The following RIMS2 variants were observed in gnomAD, a reference collection of about 807,000 sequenced individuals.
RIMS2 encodes regulating synaptic membrane exocytosis protein 2.
In RIMS2, 59 loss-of-function variants were observed where a neutral mutation model predicts 174.4. The ratio of observed to expected loss-of-function variants is 0.34; its 90% CI spans 0.27 to 0.42. The LOEUF (loss-of-function observed/expected upper bound fraction) is 0.42, where lower values mean the gene tolerates loss of function less well. RIMS2 is among the 10% of genes least tolerant of loss of function. RIMS2 has a pLI of 1.00. For missense variants in RIMS2, 1,620 were observed against 1,666.3 expected (o/e 0.97, Z 0.48); for synonymous variants, 606 against 572.5 (o/e 1.06, Z -0.84).
At chr8:103,583,033 G>A (rs2093701428) in intron 1 of RIMS2, among the ~76,000 whole-genome samples, 1 of 152,208 alleles carries the variant, frequency 6.6e-6, no homozygotes, top group East Asian at 1.9e-4. Flanking sequence ...TCATAGTGGT[G>A]GTGGCCACAG....
chr8:103,750,569 G>C (rs2097875395), intron 2 of RIMS2, among the ~76,000 whole-genome samples: 1 of 152,096 alleles, frequency 6.6e-6, no homozygotes, highest in Non-Finnish European at 1.5e-5. Flanking sequence ...ATCTCACCTT[G>C]AATTTTAATA....
chr8:103,784,002 A>G (rs1399738622), intron 3 of RIMS2, among the ~76,000 whole-genome samples: 1 of 151,522 alleles, frequency 6.6e-6, no homozygotes, highest in Non-Finnish European at 1.5e-5. Context: ...TTTGATTTGC[A>G]TTTCTCTGAT....
intron 19 of RIMS2, among the ~76,000 whole-genome samples, chr8:104,190,288 G>A (rs1485420843): frequency 1.3e-5 from 2 of 151,600 alleles, no homozygotes; most frequent in Admixed American, 6.6e-5. Context: ...TGACAGAGTG[G>A]GACCCTGTAT....
chr8:103,855,827 T>C (rs1461573327), intron 3 of RIMS2, among the ~76,000 whole-genome samples: 1 of 152,126 alleles, frequency 6.6e-6, no homozygotes, highest in Non-Finnish European at 1.5e-5. Flanking sequence ...CAGCGTATAT[T>C]TTGTGGTTGT....
chr8:103,817,648 C>A (rs2098726293), intron 3 of RIMS2, among the ~76,000 whole-genome samples: 1 of 152,060 alleles, frequency 6.6e-6, no homozygotes, highest in Admixed American at 6.6e-5. Context: ...GGCGTGGTGG[C>A]ACACTCCTGT....
chr8:103,793,471 A>G (rs1395094252), intron 3 of RIMS2, among the ~76,000 whole-genome samples: 1 of 152,226 alleles, frequency 6.6e-6, no homozygotes, highest in Non-Finnish European at 1.5e-5. Flanking sequence ...CAGAGCCAAT[A>G]TCATACTGAA....
rs76373481 is a variant in RIMS2, at chr8:103,539,746, A to C, written c.176+38684A>C. Among the ~76,000 whole-genome samples the C allele has an allele frequency of 6.4e-3, 975 of 152,284 alleles. 11 individuals carry two copies. Among genetic ancestry groups the C allele is most frequent in the African/African-American group, 0.022 (906 of 41,558 alleles). ...ACTGTTAAGTTGCTTCAGAAAAGGA[A>C]ATGTCCTCTCTTCCAACCCTGCCTG... On this transcript the variant is annotated intron_variant, in intron 1 of 23. Transcript: ENST00000504942.
intron 1 of RIMS2, among the ~76,000 whole-genome samples, chr8:103,643,020 T>C (rs2096260594): frequency 6.6e-6 from 1 of 152,052 alleles, no homozygotes; most frequent in Non-Finnish European, 1.5e-5. Flanking sequence ...TTCTTCTCCA[T>C]CTGCTATTCC....
intron 2 of RIMS2, among the ~76,000 whole-genome samples, chr8:103,708,775 T>C (rs775633975): frequency 1.3e-5 from 2 of 152,180 alleles, no homozygotes; most frequent in Non-Finnish European, 2.9e-5. Context: ...ATTAAATTGT[T>C]TTTTTGGTGT....
chr8:103,830,032 T>C (rs1291333025), intron 3 of RIMS2, among the ~76,000 whole-genome samples: 1 of 152,194 alleles, frequency 6.6e-6, no homozygotes, highest in Non-Finnish European at 1.5e-5. Context: ...TAATTTGTTG[T>C]TATAAATTTC....
At chr8:103,762,020 AT>A (rs201961741) in intron 2 of RIMS2, among the ~76,000 whole-genome samples, 7,282 of 139,598 alleles carry the variant, frequency 0.052, 431 homozygotes, top group African/African-American at 0.16. Context: ...CCTAATGTAA[AT>A]TTTTTTTTTT....
At chr8:104,231,523 C>T (rs1211753339) in intron 19 of RIMS2, among the ~76,000 whole-genome samples, 2 of 152,144 alleles carry the variant, frequency 1.3e-5, no homozygotes, top group Non-Finnish European at 1.5e-5. Context: ...GGCTCATATT[C>T]CATCTACTGT....
intron 3 of RIMS2, among the ~76,000 whole-genome samples, chr8:103,779,064 C>G (rs1283952686): frequency 6.6e-6 from 1 of 152,128 alleles, no homozygotes; most frequent in South Asian, 2.1e-4. Flanking sequence ...AATGTCTGTT[C>G]AGATCTTTTG....
At chr8:103,706,439 T>A (rs186423744) in intron 2 of RIMS2, among the ~76,000 whole-genome samples, 199 of 151,896 alleles carry the variant, frequency 1.3e-3, no homozygotes, top group African/African-American at 2.5e-3. Context: ...TTCTTTTTTT[T>A]AAAAAAAAAT....
At chr8:103,949,896 A>T (rs2084903583) in intron 14 of RIMS2, among the ~76,000 whole-genome samples, 2 of 152,156 alleles carry the variant, frequency 1.3e-5, no homozygotes, top group South Asian at 4.1e-4. Context: ...AGGCAAAATG[A>T]TCAGCAAAGA....
chr8:103,907,669 A>G (rs2074738654), intron 4 of RIMS2, among the ~76,000 whole-genome samples: 2 of 151,732 alleles, frequency 1.3e-5, no homozygotes, highest in African/African-American at 4.8e-5. Context: ...ACTCCTGTCT[A>G]TATGTTAATT....
intron 1 of RIMS2, among the ~76,000 whole-genome samples, chr8:103,544,055 G>T (rs1843752808): frequency 6.8e-6 from 1 of 147,832 alleles, no homozygotes; most frequent in Non-Finnish European, 1.5e-5. Context: ...GATATTTGCA[G>T]ACCATACATC....
chr8:103,584,237 G>A (rs759142498), intron 1 of RIMS2, among the ~76,000 whole-genome samples: 1 of 152,056 alleles, frequency 6.6e-6, no homozygotes, highest in Non-Finnish European at 1.5e-5. Context: ...TAGTATATCT[G>A]GCTAAAATAT....
At chr8:104,221,059 C>T (rs2099152561) in intron 19 of RIMS2, among the ~76,000 whole-genome samples, 1 of 152,162 alleles carries the variant, frequency 6.6e-6, no homozygotes, top group South Asian at 2.1e-4. Context: ...GGTAAACTTG[C>T]CCATTTCTCC....
Sources: allele counts gnomAD v4.1 joint callset (sites outside exome capture counted in the v4.1 genomes callset), GRCh38; gene constraint gnomAD v4.1.1; transcripts MANE v1.5; gene names NCBI Gene and HGNC (gene_info 2026-07-23, HGNC 2026-07-21).